Variants in CEMIP observed in about 807,000 individuals in gnomAD.
CEMIP encodes the protein cell migration inducing hyaluronidase 1, also known as cell migration-inducing and hyaluronan-binding protein.
Under a neutral mutation model 156.9 loss-of-function variants are expected in CEMIP, and 105 were observed. The observed-to-expected ratio is 0.67, with a 90% CI of 0.57 to 0.79. CEMIP has a LOEUF of 0.79. Among genes scored for constraint, CEMIP ranks in the 30% least tolerant of loss-of-function variants. The probability of loss-of-function intolerance (pLI) is 0.00; values close to 1 mark genes in which losing one functional copy is unlikely to be tolerated. For synonymous variants in CEMIP, 676 were observed against 668.4 expected (o/e 1.01, Z -0.17); for missense variants, 1,457 against 1,769.4 (o/e 0.82, Z 3.17).
intron 1 of CEMIP, among the ~76,000 whole-genome samples, chr15:80,853,871 T>C (rs1897774203): frequency 6.6e-6 from 1 of 152,224 alleles, no homozygotes; most frequent in Admixed American, 6.5e-5. Context: ...TGCACGAGCA[T>C]TGAGTTGAAT....
At chr15:80,857,071 ACT>A (rs1192336712) in intron 1 of CEMIP, among the ~76,000 whole-genome samples, 1 of 152,172 alleles carries the variant, frequency 6.6e-6, no homozygotes, top group Non-Finnish European at 1.5e-5. Flanking sequence ...TCAAAGAAGG[ACT>A]CTGGCCCAAA....
chr15:80,894,813 T>C (rs1275260875), intron 10 of CEMIP, among the ~76,000 whole-genome samples, 177 bp from the exon 11 acceptor site: 1 of 152,170 alleles, frequency 6.6e-6, no homozygotes, highest in African/African-American at 2.4e-5. Flanking sequence ...TAGGCTGTCT[T>C]TCTCATAACA....
Position 80,948,632 on chromosome 15 carries a change from A to G in CEMIP, c.3959-165A>G, listed in dbSNP as rs1901671679. 41 of 904,898 alleles carry G rather than the reference A, an allele frequency of 4.5e-5. 1 individual carries two copies. The South Asian group carries it at 5.6e-4, about 12-fold the overall frequency. The allele number at this position is 904,898 out of a possible 1,614,324, so 56.1% of individuals were successfully genotyped here. ...TGCCCCATACAAACACATGTCAGGCACCATCAGTAGCTGAGCACAGAGCTC... is the reference window on the plus strand; with the variant it reads ...TGCCCCATACAAACACATGTCAGGCGCCATCAGTAGCTGAGCACAGAGCTC... On this transcript the variant is annotated intron_variant, in intron 29 of 29. Transcript: ENST00000394685.
At chr15:80,914,457 G>A (rs1238558624) in intron 14 of CEMIP, among the ~76,000 whole-genome samples, 1 of 152,210 alleles carries the variant, frequency 6.6e-6, no homozygotes, top group Non-Finnish European at 1.5e-5. Context: ...ATGTGGCCCT[G>A]CAGGTTGTGC....
chr15:80,866,493 G>A (rs185650549), intron 1 of CEMIP, among the ~76,000 whole-genome samples: 2 of 152,250 alleles, frequency 1.3e-5, no homozygotes, highest in East Asian at 3.9e-4. Context: ...TGGGGAGGCT[G>A]AGGCAGAGAA....
At chr15:80,929,235 A>C in intron 21 of CEMIP, 61 bp downstream of exon 21, 1 of 1,598,710 alleles carries the variant, frequency 6.3e-7, no homozygotes, top group Admixed American at 1.7e-5. Flanking sequence ...GCTGTGATGG[A>C]AGGGAAAAAG....
chr15:80,921,180 A>C, intron 16 of CEMIP, 79 bp downstream of exon 16: 1 of 1,290,806 alleles, frequency 7.7e-7, no homozygotes, highest in Non-Finnish European at 1.1e-6. Flanking sequence ...CTTACCTTGA[A>C]ACATGTGTGC....
At chr15:80,878,670 G>A in intron 3 of CEMIP, 51 bp from the exon 4 acceptor site, 1 of 1,613,240 alleles carries the variant, frequency 6.2e-7, no homozygotes, top group South Asian at 1.1e-5. Context: ...TAGCATTCTT[G>A]CTTGGTGAGG....
At chr15:80,900,802 C>G (rs1899497426) in intron 12 of CEMIP, 1 of 363,732 alleles carries the variant, frequency 2.7e-6, no homozygotes, top group Non-Finnish European at 5.5e-6. Context: ...ACCTGCTTCT[C>G]CCTTTTCTGT....
At chr15:80,873,287 A>G (rs747536935) in intron 1 of CEMIP, among the ~76,000 whole-genome samples, 2 of 152,246 alleles carry the variant, frequency 1.3e-5, no homozygotes, top group Non-Finnish European at 2.9e-5. Context: ...TAGATAGATA[A>G]GAGGGCTTAT....
At chr15:80,830,768 T>C (rs1167427805) in intron 1 of CEMIP, among the ~76,000 whole-genome samples, 1 of 152,134 alleles carries the variant, frequency 6.6e-6, no homozygotes, top group Non-Finnish European at 1.5e-5. Context: ...TGAGTAATGT[T>C]ACTAGATAGC....
At chr15:80,931,816 T>A (rs778952582) in intron 21 of CEMIP, 43 bp from the exon 22 acceptor site, 43 of 1,591,408 alleles carry the variant, frequency 2.7e-5, no homozygotes, top group Admixed American at 6.7e-5. Flanking sequence ...TCCATAGGAA[T>A]GGAAAACATT....
Position 80,932,086 on chromosome 15 carries a change from T to C in CEMIP, c.2793+47T>C. The C allele has an allele frequency of 6.2e-7, 1 of 1,601,038 alleles. No individual in the cohort carries two copies. On this transcript the variant is annotated intron_variant, in intron 22 of 29. Transcript: ENST00000394685. This position sits in a 1 kb window ranked among gnomAD's most constrained non-coding sequence, Gnocchi z 4.5. ...ACTCCCGGCAAACCCAGACTTTGGA[T>C]GGTGATTCACAAGTCCCCTGGGTCC...
intron 1 of CEMIP, among the ~76,000 whole-genome samples, chr15:80,794,734 C>T (rs1450294880): frequency 6.6e-6 from 1 of 152,130 alleles, no homozygotes; most frequent in Admixed American, 6.5e-5. Context: ...TTAATAGCCA[C>T]AGGCGGCTAG....
intron 14 of CEMIP, among the ~76,000 whole-genome samples, chr15:80,913,363 A>T (rs1315468392): frequency 6.6e-6 from 1 of 152,196 alleles, no homozygotes; most frequent in East Asian, 1.9e-4. Context: ...TGTCATTCAA[A>T]ATGTCACCAC....
In CEMIP at chr15:80,936,731, T is replaced by A. The variant is rs919819432; in HGVS notation, c.3067T>A (p.Phe1023Ile). 1 of 1,614,068 alleles carries A rather than the reference T, an allele frequency of 6.2e-7. No individual in the cohort carries two copies. The highest frequency in any genetic ancestry group is 1.3e-5 in the African/African-American group (1 of 74,942). Reference protein sequence around the residue: ...NLRMKIIKNDFPSHPLYLEGA... With the variant: ...NLRMKIIKNDIPSHPLYLEGA... Reference sequence around the variant, plus strand: ...GCGAATGAAGATCATCAAGAATGACTTCCCCAGCCACCCTCTTTACCTGGA... The same window carrying A: ...GCGAATGAAGATCATCAAGAATGACATCCCCAGCCACCCTCTTTACCTGGA... Residue 1023 changes from phenylalanine (F) to isoleucine (I), a missense_variant, in exon 24 of 30, where the codon TTC becomes ATC. Phe to Ile is a conservative substitution (Grantham distance 21). Around this residue, in one of 5 missense-constraint regions of CEMIP, gnomAD observed 798 missense variants for 980.1 expected, o/e 0.81. Transcript: ENST00000394685.
At chr15:80,897,094 G>A (rs1004314902) in intron 12 of CEMIP, among the ~76,000 whole-genome samples, 7 of 152,092 alleles carry the variant, frequency 4.6e-5, no homozygotes, top group African/African-American at 7.2e-5. Flanking sequence ...TGGCTGTTCC[G>A]CAAAGGAAAA....
chr15:80,865,679 A>T (rs1306523445), intron 1 of CEMIP, among the ~76,000 whole-genome samples: 2 of 145,004 alleles, frequency 1.4e-5, no homozygotes, highest in Non-Finnish European at 3.0e-5. Context: ...ATAGCTCATC[A>T]GCTACTGTTA....
intron 23 of CEMIP, among the ~76,000 whole-genome samples, chr15:80,935,182 T>C (rs1901072678): frequency 6.6e-6 from 1 of 151,998 alleles, no homozygotes; most frequent in Admixed American, 6.6e-5. Context: ...GAGTGAGTGG[T>C]TGATATGATG....
Sources: gnomAD v4.1 joint callset for allele counts (sites outside exome capture counted in the v4.1 genomes callset) on GRCh38, gnomAD v4.1.1 for gene constraint, gnomAD v4.1.1 regional missense constraint, Gnocchi (gnomAD v3.1) non-coding constraint, MANE v1.5 for transcripts, NCBI Gene and HGNC (gene_info 2026-07-23, HGNC 2026-07-21) for gene names.